The following NOX4 variants were observed in gnomAD, a reference collection of about 807,000 sequenced individuals.
NOX4 encodes the protein kidney oxidase-1.
NOX4 carries 69 observed loss-of-function variants against 87.6 expected under a neutral mutation model. The observed-to-expected ratio is 0.79, with a 90% CI of 0.65 to 0.96. The LOEUF (loss-of-function observed/expected upper bound fraction) is 0.96, where lower values mean the gene tolerates loss of function less well. Among genes scored for constraint, NOX4 ranks in the 40% least tolerant of loss-of-function variants. The probability of loss-of-function intolerance (pLI) is 0.00; values close to 1 mark genes in which losing one functional copy is unlikely to be tolerated. For missense variants in NOX4, 680 were observed against 681.5 expected, an observed-to-expected ratio of 1.00 and a Z score of 0.02; for synonymous variants, 275 against 238.2, an observed-to-expected ratio of 1.15 and a Z score of -1.42.
At chr11:89,490,367 T>C (rs1335287066) in intron 2 of NOX4, 91 bp downstream of exon 2, 1 of 869,772 alleles carries the variant, frequency 1.1e-6, no homozygotes, top group Non-Finnish European at 1.9e-6. Context: ...AGAGTGCACA[T>C]TTCTTTAATG....
chr11:89,456,785 G>C (rs1247161244), intron 2 of NOX4, among the ~76,000 whole-genome samples: 1 of 152,180 alleles, frequency 6.6e-6, no homozygotes, highest in Non-Finnish European at 1.5e-5. Flanking sequence ...GAGCCCACAG[G>C]GTTTGGGACA....
chr11:89,482,945 C>A (rs1355048336), intron 2 of NOX4, among the ~76,000 whole-genome samples: 1 of 151,996 alleles, frequency 6.6e-6, no homozygotes, highest in Non-Finnish European at 1.5e-5. Context: ...GCATGGTGTT[C>A]AGTTTCAGAC....
chr11:89,474,083 C>G (rs970396291), intron 2 of NOX4, among the ~76,000 whole-genome samples: 1 of 152,078 alleles, frequency 6.6e-6, no homozygotes, highest in African/African-American at 2.4e-5. Flanking sequence ...GGGAAAATAA[C>G]GTTTAGTTTG....
At chr11:89,493,721 TTTATTATTATTATTATTA>T (rs200679523), upstream of NOX4, among the ~76,000 whole-genome samples, 1,301 of 142,284 alleles carry the variant, frequency 9.1e-3, 20 homozygotes, top group African/African-American at 0.032. Context: ...GCCAGATTGT[TTTATTATTATTATTATTA>T]TTATTATTAT....
intron 12 of NOX4, among the ~76,000 whole-genome samples, chr11:89,356,893 G>A (rs568210594): frequency 5.3e-5 from 8 of 152,134 alleles, no homozygotes; most frequent in Non-Finnish European, 8.8e-5. Context: ...GAGACCAAAC[G>A]GTCATATATC....
chr11:89,584,678 A>G, the NOX4 span, among the ~76,000 whole-genome samples: 1 of 152,152 alleles, frequency 6.6e-6, no homozygotes, highest in Non-Finnish European at 1.5e-5. Context: ...AGTACAGCCT[A>G]TTTTCCTTTG....
the NOX4 span, among the ~76,000 whole-genome samples, chr11:89,518,001 C>T: frequency 8.8e-4 from 134 of 152,060 alleles, 1 homozygote; most frequent in Non-Finnish European, 1.6e-3. Context: ...TTCAAAAAAG[C>T]ATTGTTAGTA....
intron 8 of NOX4, among the ~76,000 whole-genome samples, chr11:89,404,595 C>G (rs1220049067): frequency 1.3e-5 from 2 of 152,080 alleles, no homozygotes; most frequent in East Asian, 3.9e-4. Flanking sequence ...GAACTAGGAT[C>G]ATTATTCCCA....
intron 2 of NOX4, among the ~76,000 whole-genome samples, chr11:89,452,988 G>A (rs1416817541): frequency 1.3e-5 from 2 of 152,100 alleles, no homozygotes; most frequent in African/African-American, 4.8e-5. Context: ...AGGCTGCAGT[G>A]AGTCATGTTC....
At chr11:89,379,632 C>T (rs910846217) in intron 11 of NOX4, among the ~76,000 whole-genome samples, 1 of 152,108 alleles carries the variant, frequency 6.6e-6, no homozygotes, top group Middle Eastern at 3.2e-3. Context: ...GCACAAATTT[C>T]CATCAGAACC....
chr11:89,452,602 C>A (rs1400680431), intron 2 of NOX4, among the ~76,000 whole-genome samples: 1 of 151,942 alleles, frequency 6.6e-6, no homozygotes, highest in South Asian at 2.1e-4. Context: ...TGTATGGGTA[C>A]AATATGATGT....
chr11:89,586,177 T>A, the NOX4 span, among the ~76,000 whole-genome samples: 55,835 of 151,522 alleles, frequency 0.37, 10,576 homozygotes, highest in East Asian at 0.45. Context: ...AAATGATCAC[T>A]CAAATTAATT....
At chr11:89,451,665 A>G in intron 3 of NOX4, 120 bp downstream of exon 3, 1 of 670,526 alleles carries the variant, frequency 1.5e-6, no homozygotes, top group Non-Finnish European at 2.7e-6. Flanking sequence ...GTCTTTTACC[A>G]TCATCTTACA....
At chr11:89,574,758 C>T in the NOX4 span, among the ~76,000 whole-genome samples, 162 of 152,292 alleles carry the variant, frequency 1.1e-3, no homozygotes, top group Middle Eastern at 6.8e-3. Context: ...GAAAATACTA[C>T]AATACATCAA....
At chr11:89,458,507 C>G (rs2135407980) in intron 2 of NOX4, among the ~76,000 whole-genome samples, 1 of 151,900 alleles carries the variant, frequency 6.6e-6, no homozygotes, top group South Asian at 2.1e-4. Context: ...AAAGAAACTA[C>G]AACAGACAAC....
At chr11:89,558,363 T>C in the NOX4 span, among the ~76,000 whole-genome samples, 2,283 of 152,100 alleles carry the variant, frequency 0.015, 49 homozygotes, top group African/African-American at 0.048. Flanking sequence ...AAACTAAGAG[T>C]TAATTTTAAT....
chr11:89,522,887 T>A, the NOX4 span, among the ~76,000 whole-genome samples: 1 of 152,098 alleles, frequency 6.6e-6, no homozygotes, highest in African/African-American at 2.4e-5. Flanking sequence ...AAACTAAGTA[T>A]TCCTAGGACT....
chr11:89,464,682 T>C (rs961563589), intron 2 of NOX4, among the ~76,000 whole-genome samples: 1 of 152,198 alleles, frequency 6.6e-6, no homozygotes, highest in Non-Finnish European at 1.5e-5. Flanking sequence ...ATCAGGTTAG[T>C]TGTCACTAGA....
chr11:89,388,442 C>A (rs1318016156), intron 11 of NOX4, among the ~76,000 whole-genome samples: 1 of 152,098 alleles, frequency 6.6e-6, no homozygotes, highest in Non-Finnish European at 1.5e-5. Context: ...AAAGATTTGG[C>A]CCCCTGACTT....
Sources: allele counts gnomAD v4.1 joint callset (sites outside exome capture counted in the v4.1 genomes callset), GRCh38; gene constraint gnomAD v4.1.1; transcripts MANE v1.5; gene names NCBI Gene and HGNC (gene_info 2026-07-23, HGNC 2026-07-21).